Variants in RPS6KA5 observed in about 807,000 individuals in gnomAD.
RPS6KA5 encodes the protein ribosomal protein S6 kinase A5.
In RPS6KA5, 27 loss-of-function variants were observed where a neutral mutation model predicts 85.5. That is an observed-to-expected ratio of 0.32 (90% CI 0.23 to 0.44). The LOEUF (loss-of-function observed/expected upper bound fraction) is 0.44. Among genes scored for constraint, RPS6KA5 ranks in the 20% least tolerant of loss-of-function variants. The pLI, the probability that RPS6KA5 is intolerant of heterozygous loss-of-function variation, is 1.00. For missense variants in RPS6KA5, 811 were observed against 980.9 expected, an observed-to-expected ratio of 0.83 and a Z score of 2.31; for synonymous variants, 334 against 348.2, an observed-to-expected ratio of 0.96 and a Z score of 0.46.
At chr14:91,049,435 A>C (rs1217530035) in intron 1 of RPS6KA5, among the ~76,000 whole-genome samples, 1 of 152,162 alleles carries the variant, frequency 6.6e-6, no homozygotes, top group African/African-American at 2.4e-5. Context: ...TAACACGGTG[A>C]AACCCCATCT....
intron 1 of RPS6KA5, among the ~76,000 whole-genome samples, chr14:91,016,592 G>A (rs928830463): frequency 2.6e-5 from 4 of 151,764 alleles, no homozygotes; most frequent in African/African-American, 7.3e-5. Context: ...AGTTTTTTTG[G>A]ATAAGATCAA....
rs539745697 is a variant in RPS6KA5 at position 90,980,214 on chromosome 14, C to T, written c.176-1690G>A. ...AAGCTAGAAAATATTATGCACTACA[C>T]CTTCCAACAGGGAAAGCCACTATAT... On this transcript the variant is annotated intron_variant, in intron 2 of 16. Transcript: ENST00000614987. Among the ~76,000 whole-genome samples, 3 of 152,340 alleles carry T rather than the reference C, an allele frequency of 2.0e-5. No individual in the cohort carries two copies. The South Asian group carries it at 6.2e-4, about 32-fold the overall frequency.
At chr14:90,919,477 A>T (rs2140287543) in intron 7 of RPS6KA5, among the ~76,000 whole-genome samples, 1 of 152,324 alleles carries the variant, frequency 6.6e-6, no homozygotes, top group East Asian at 1.9e-4. Flanking sequence ...CTGTTCTCAA[A>T]GTTACAAAAT....
At chr14:90,916,681 A>T (rs76710333) in intron 7 of RPS6KA5, among the ~76,000 whole-genome samples, 29 of 8,682 alleles carry the variant, frequency 3.3e-3, no homozygotes, top group African/African-American at 0.011. Context: ...AATTTCTGTC[A>T]CACACACACA....
chr14:90,933,858 C>T (rs1293012558), intron 5 of RPS6KA5, among the ~76,000 whole-genome samples: 1 of 152,196 alleles, frequency 6.6e-6, no homozygotes, highest in Non-Finnish European at 1.5e-5. Flanking sequence ...AACCCTCACT[C>T]ATTCCATAAC....
chr14:91,054,126 A>G (rs1432775585), intron 1 of RPS6KA5, among the ~76,000 whole-genome samples: 4 of 152,340 alleles, frequency 2.6e-5, no homozygotes, highest in African/African-American at 7.2e-5. Flanking sequence ...TGCTGGAACA[A>G]TTGGATATTT....
At chr14:91,051,483 T>C (rs79748961) in intron 1 of RPS6KA5, among the ~76,000 whole-genome samples, 6,197 of 151,892 alleles carry the variant, frequency 0.041, 325 homozygotes, top group African/African-American at 0.11. Context: ...TCATGAAACA[T>C]CCTTTTATTT....
At chr14:90,936,610 T>C (rs1194541942) in intron 5 of RPS6KA5, among the ~76,000 whole-genome samples, 1 of 152,050 alleles carries the variant, frequency 6.6e-6, no homozygotes, top group Non-Finnish European at 1.5e-5. Flanking sequence ...ATTTGACAAA[T>C]ATCTCTAGAA....
intron 1 of RPS6KA5, among the ~76,000 whole-genome samples, chr14:91,013,977 T>C (rs571598544): frequency 6.6e-6 from 1 of 152,210 alleles, no homozygotes; most frequent in Non-Finnish European, 1.5e-5. Flanking sequence ...TCTGAATAGT[T>C]GCAGTGCAAT....
intron 3 of RPS6KA5, among the ~76,000 whole-genome samples, chr14:90,951,365 AGT>A (rs2038176224): frequency 6.6e-6 from 1 of 151,950 alleles, no homozygotes; most frequent in African/African-American, 2.4e-5. Flanking sequence ...AGGTGCCTGT[AGT>A]CCCAGTTACT....
intron 7 of RPS6KA5, among the ~76,000 whole-genome samples, chr14:90,917,733 C>CTTTTT (rs71117388): frequency 1.6e-4 from 24 of 151,128 alleles, no homozygotes; most frequent in Admixed American, 6.6e-5. Context: ...CAAATCATTC[C>CTTTTT]TTTTTTTTAA....
chr14:90,882,021 ATG>A (rs1375738870), intron 14 of RPS6KA5, among the ~76,000 whole-genome samples: 1 of 152,134 alleles, frequency 6.6e-6, no homozygotes. Flanking sequence ...TCATTTTGCT[ATG>A]TGTTTTCTAT....
At chr14:90,999,622 A>G (rs997976032) in intron 2 of RPS6KA5, among the ~76,000 whole-genome samples, 12 of 152,338 alleles carry the variant, frequency 7.9e-5, no homozygotes, top group Non-Finnish European at 1.2e-4. Flanking sequence ...AGTCCAGGAC[A>G]GGGAGAGAAC....
intron 3 of RPS6KA5, 133 bp downstream of exon 3, chr14:90,978,173 G>T: frequency 3.3e-6 from 2 of 613,028 alleles, no homozygotes; most frequent in Non-Finnish European, 2.7e-6. Flanking sequence ...TCCAGGAGAT[G>T]CCACCACAAA....
At chr14:90,983,036 C>A (rs1166297894) in intron 2 of RPS6KA5, among the ~76,000 whole-genome samples, 1 of 151,842 alleles carries the variant, frequency 6.6e-6, no homozygotes, top group Non-Finnish European at 1.5e-5. Flanking sequence ...TGGCATGAAC[C>A]CAGGAGGTGG....
intron 5 of RPS6KA5, among the ~76,000 whole-genome samples, 171 bp downstream of exon 5, chr14:90,942,907 G>GC (rs2037650667): frequency 6.6e-6 from 1 of 152,106 alleles, no homozygotes; most frequent in Non-Finnish European, 1.5e-5. Context: ...AATTTTAACA[G>GC]GACGGCTCCA....
At chr14:90,960,497 G>A (rs1214697137) in intron 3 of RPS6KA5, among the ~76,000 whole-genome samples, 1 of 152,126 alleles carries the variant, frequency 6.6e-6, no homozygotes, top group Non-Finnish European at 1.5e-5. Context: ...CATCTGAAAG[G>A]AGGAGTCTTC....
intron 2 of RPS6KA5, among the ~76,000 whole-genome samples, chr14:90,999,298 C>T (rs2040672397): frequency 6.6e-6 from 1 of 152,142 alleles, no homozygotes; most frequent in Non-Finnish European, 1.5e-5. Context: ...AAGAGAAAGG[C>T]TTTCTTTCTT....
intron 14 of RPS6KA5, among the ~76,000 whole-genome samples, chr14:90,880,450 A>C (rs1595111241): frequency 6.6e-6 from 1 of 152,360 alleles, no homozygotes; most frequent in East Asian, 1.9e-4. Flanking sequence ...ACATGTGAGA[A>C]CTTCCTCCCT....
Sources: gnomAD v4.1 joint callset for allele counts (sites outside exome capture counted in the v4.1 genomes callset) on GRCh38, gnomAD v4.1.1 for gene constraint, MANE v1.5 for transcripts, NCBI Gene and HGNC (gene_info 2026-07-23, HGNC 2026-07-21) for gene names.